Variants in ZNF609 observed in about 807,000 individuals in gnomAD.
ZNF609 encodes the protein zinc finger protein 609.
A neutral mutation model predicts 109.5 loss-of-function variants in ZNF609; 11 were observed. The ratio of observed to expected loss-of-function variants is 0.10; its 90% CI spans 0.06 to 0.17. ZNF609 has a LOEUF of 0.17. Ranked by LOEUF, ZNF609 falls within the 10% of genes least tolerant of loss-of-function variation. The pLI is 1.00. For missense variants in ZNF609, 1,559 were observed against 1,772.4 expected (o/e 0.88, Z 2.16); for synonymous variants, 646 against 662.0 (o/e 0.98, Z 0.37).
intron 1 of ZNF609, among the ~76,000 whole-genome samples, chr15:64,483,427 G>T (rs1264831805): frequency 1.3e-5 from 2 of 150,032 alleles, no homozygotes; most frequent in African/African-American, 4.9e-5. Flanking sequence ...TACCCTGTCA[G>T]CCAGGCTGGA....
chr15:64,478,497 A>G (rs1447881261), intron 1 of ZNF609, among the ~76,000 whole-genome samples: 1 of 151,956 alleles, frequency 6.6e-6, no homozygotes. Context: ...CAGCCTTCCA[A>G]GTAGCTGGGA....
chr15:64,649,426 A>G (rs1359511810), intron 3 of ZNF609, among the ~76,000 whole-genome samples: 1 of 152,078 alleles, frequency 6.6e-6, no homozygotes, highest in African/African-American at 2.4e-5. Context: ...GCACACACCC[A>G]TGCTGCTGGA....
chr15:64,645,981 C>G (rs1001584828), intron 3 of ZNF609, among the ~76,000 whole-genome samples: 1 of 152,114 alleles, frequency 6.6e-6, no homozygotes, highest in Admixed American at 6.5e-5. Context: ...TTGGTGGATC[C>G]TCAAAAAGCT....
intron 2 of ZNF609, among the ~76,000 whole-genome samples, chr15:64,553,009 A>T (rs1428814227): frequency 6.6e-6 from 1 of 152,166 alleles, no homozygotes; most frequent in Non-Finnish European, 1.5e-5. Context: ...AGCACTGTTT[A>T]AAAAACTATT....
intron 1 of ZNF609, among the ~76,000 whole-genome samples, chr15:64,486,957 G>A (rs965096099): frequency 2.6e-5 from 4 of 151,896 alleles, no homozygotes; most frequent in Non-Finnish European, 4.4e-5. Flanking sequence ...TCTTCGTATC[G>A]AATCATCCCA....
At chr15:64,481,879 G>A (rs1358174464) in intron 1 of ZNF609, among the ~76,000 whole-genome samples, 2 of 152,058 alleles carry the variant, frequency 1.3e-5, no homozygotes, top group African/African-American at 4.8e-5. Flanking sequence ...CCACCTCCTG[G>A]GTTCAAGTGA....
chr15:64,618,266 A>G (rs1895829755), intron 2 of ZNF609, among the ~76,000 whole-genome samples: 1 of 151,940 alleles, frequency 6.6e-6, no homozygotes, highest in Admixed American at 6.6e-5. Context: ...TGTCCCCCTC[A>G]CAGGGCGTGC....
At chr15:64,500,408 C>G (rs1156289053) in intron 2 of ZNF609, 1 of 724,786 alleles carries the variant, frequency 1.4e-6, no homozygotes, top group South Asian at 1.5e-5. Flanking sequence ...GGGGCAGCTA[C>G]TTTGTAGAAT....
rs1232421874 is a variant in ZNF609, at chr15:64,460,718, G to GAGCCGGAGCC, written c.-248_-247insAGCCGGAGCC. The stretch of plus-strand genomic sequence containing the variant: ...AGAGCCGGAGCCGGAGCCGGAGCCG[G>GAGCCGGAGCC]GGTGGGGTGGGGGGGAGGGGCCGCG... On this transcript the variant is annotated 5_prime_UTR_variant, in exon 1 of 10. Transcript: ENST00000326648. The GAGCCGGAGCC allele has an allele frequency of 6.4e-6, 1 of 156,926 alleles. No individual in the cohort carries two copies. Among genetic ancestry groups the GAGCCGGAGCC allele is most frequent in the African/African-American group, 2.5e-5 (1 of 40,314 alleles). The allele number at this position is 156,926 out of a possible 1,614,324, so 9.7% of individuals were successfully genotyped here. A position where few individuals can be genotyped will look rare whatever the true frequency, so the allele number is the denominator to read the frequency against.
chr15:64,580,993 T>C (rs1895094928), intron 2 of ZNF609, among the ~76,000 whole-genome samples: 1 of 129,216 alleles, frequency 7.7e-6, no homozygotes, highest in Admixed American at 8.0e-5. Context: ...TGAGACAGTC[T>C]CGCTCTGTTG....
chr15:64,652,735 G>A (rs72742975), intron 3 of ZNF609, among the ~76,000 whole-genome samples: 1,594 of 152,110 alleles, frequency 0.01, 13 homozygotes, highest in Non-Finnish European at 0.014. Flanking sequence ...GTCTCACTGC[G>A]TTTTCCAGGC....
intron 2 of ZNF609, among the ~76,000 whole-genome samples, chr15:64,526,757 C>A (rs1212136983): frequency 6.6e-6 from 1 of 152,130 alleles, no homozygotes; most frequent in Non-Finnish European, 1.5e-5. Flanking sequence ...CCTGCCTCAG[C>A]CTTGCAAGTA....
chr15:64,479,283 G>GGT (rs1389448753), intron 1 of ZNF609, among the ~76,000 whole-genome samples: 3,921 of 63,740 alleles, frequency 0.062, 113 homozygotes, highest in Non-Finnish European at 0.088. Flanking sequence ...GTACCTGTGT[G>GGT]ATTTTTTTTT....
At chr15:64,680,470 G>GCCAGTGTCAAGTCAGCCA in intron 7 of ZNF609, 110 bp downstream of exon 7, 1 of 1,430,920 alleles carries the variant, frequency 7.0e-7, no homozygotes, top group Non-Finnish European at 9.5e-7. Flanking sequence ...CAGCTTGGCT[G>GCCAGTGTCAAGTCAGCCA]ACTTGACACT....
At position 64,555,886 on chromosome 15, in the gene ZNF609, CAAAAAAAAA is replaced by C. The variant is rs963732035; in HGVS notation, c.747+55737_747+55745del. 2.6e-4 allele frequency among the ~76,000 whole-genome samples: 10 copies of C among 38,934 alleles called. No individual in the cohort carries two copies. In the East Asian group the frequency reaches 3.9e-3, roughly 15 times the overall value. The allele number at this position is 38,934 out of a possible 152,430, so 25.5% of individuals were successfully genotyped here. On this transcript the variant is annotated intron_variant, in intron 2 of 9. Transcript: ENST00000326648. ...TGGGTGACAGAGCAAGACTCTGTCT[CAAAAAAAAA>C]AAAAAAAAAAAAAAAAGAAAACCTG...
In ZNF609 at chr15:64,675,787, C is replaced by G. The variant is rs1176546071; in HGVS notation, c.2933C>G (p.Ala978Gly). 6.2e-7 allele frequency: 1 copy of G among 1,614,210 alleles called. No homozygotes were observed. The highest frequency in any genetic ancestry group is 1.7e-5 in the Admixed American group (1 of 60,020). The change falls in exon 5 of 10, where the codon GCC (alanine) becomes GGC (glycine). Residue 978 changes from alanine to glycine, a missense_variant. Ala to Gly is a moderately conservative substitution (Grantham distance 60). Transcript: ENST00000326648. ...YMQSLYYNQYAYVPPYGYSDQ... is the reference protein window; with the variant it reads ...YMQSLYYNQYGYVPPYGYSDQ... ...CAGTCCCTGTACTACAACCAGTATGCCTATGTACCCCCCTATGGCTACAGC... is the reference window on the plus strand; with the variant it reads ...CAGTCCCTGTACTACAACCAGTATGGCTATGTACCCCCCTATGGCTACAGC...
intron 2 of ZNF609, among the ~76,000 whole-genome samples, chr15:64,570,052 G>T (rs755088506): frequency 5.3e-5 from 8 of 152,144 alleles, no homozygotes; most frequent in Non-Finnish European, 1.2e-4. Context: ...AGAGATAGGG[G>T]TCTCGCTATA....
At chr15:64,664,090 T>C (rs1896614627) in intron 3 of ZNF609, among the ~76,000 whole-genome samples, 1 of 151,992 alleles carries the variant, frequency 6.6e-6, no homozygotes, top group South Asian at 2.1e-4. Context: ...TAACGAGGTG[T>C]GGTGGTGCAC....
chr15:64,629,261 C>G (rs996414803), intron 3 of ZNF609, among the ~76,000 whole-genome samples: 1 of 152,168 alleles, frequency 6.6e-6, no homozygotes, highest in Admixed American at 6.5e-5. Context: ...GTGCCCTGCT[C>G]CCTTTCCCAC....
Sources: gnomAD v4.1 joint callset for allele counts (sites outside exome capture counted in the v4.1 genomes callset) on GRCh38, gnomAD v4.1.1 for gene constraint, MANE v1.5 for transcripts, NCBI Gene and HGNC (gene_info 2026-07-23, HGNC 2026-07-21) for gene names.